Variants in RPA1 observed in about 807,000 individuals in gnomAD.
RPA1 encodes replication protein A 70 kDa DNA-binding subunit.
Under a neutral mutation model 83.0 loss-of-function variants are expected in RPA1, and 49 were observed. That is an observed-to-expected ratio of 0.59 (90% CI 0.47 to 0.75). The LOEUF (loss-of-function observed/expected upper bound fraction) is 0.75, where lower values mean the gene tolerates loss of function less well. RPA1 is among the 30% of genes least tolerant of loss of function. The probability of loss-of-function intolerance (pLI) is 0.00; values close to 1 mark genes in which losing one functional copy is unlikely to be tolerated. For missense variants in RPA1, 693 were observed against 776.1 expected, an observed-to-expected ratio of 0.89 and a Z score of 1.27; for synonymous variants, 279 against 281.8, an observed-to-expected ratio of 0.99 and a Z score of 0.10.
At chr17:1,892,720 G>T (rs1051780758) in intron 15 of RPA1, among the ~76,000 whole-genome samples, 2 of 152,156 alleles carry the variant, frequency 1.3e-5, no homozygotes, top group African/African-American at 4.8e-5. Flanking sequence ...CACATATAAG[G>T]TGCCTGCCAT....
Position 1,898,677 on chromosome 17 carries a change from C to A in RPA1, c.*1502C>A, listed in dbSNP as rs1039197242. 2 of 152,216 alleles carry A rather than the reference C, an allele frequency of 1.3e-5. No homozygotes were observed. Among genetic ancestry groups the A allele is most frequent in the African/African-American group, 4.8e-5 (2 of 41,440 alleles). The allele number at this position is 152,216 out of a possible 1,614,324, so 9.4% of individuals were successfully genotyped here. ...CAGCCAGCCCTAGACGGGATGACTT[C>A]CGTTCCTGAGGACAGACACAGAGGG... On this transcript the variant is annotated 3_prime_UTR_variant, in exon 17 of 17. Coordinates refer to ENST00000254719, the MANE Select transcript of RPA1 (RefSeq NM_002945.5).
chr17:1,840,322 T>C (rs1911996943), intron 1 of RPA1, among the ~76,000 whole-genome samples: 2 of 151,916 alleles, frequency 1.3e-5, no homozygotes, highest in Non-Finnish European at 2.9e-5. Context: ...ATTCTTTCTG[T>C]GCTGCCCAGG....
At chr17:1,859,561 C>T (rs909442135) in intron 5 of RPA1, among the ~76,000 whole-genome samples, 1 of 152,094 alleles carries the variant, frequency 6.6e-6, no homozygotes, top group African/African-American at 2.4e-5. Context: ...GATTTTATCC[C>T]TGGGAAATTC....
At chr17:1,850,703 C>G (rs1440446899) in intron 4 of RPA1, among the ~76,000 whole-genome samples, 1 of 151,994 alleles carries the variant, frequency 6.6e-6, no homozygotes, top group Non-Finnish European at 1.5e-5. Context: ...CGAGACCAGC[C>G]TGGCCAACAT....
chr17:1,896,784 A>C (rs1056351348), intron 16 of RPA1, among the ~76,000 whole-genome samples: 6 of 152,194 alleles, frequency 3.9e-5, no homozygotes, highest in Non-Finnish European at 7.3e-5. Flanking sequence ...AGGGAGAATA[A>C]ATGAAACTAG....
At position 1,879,551 on chromosome 17, in the gene RPA1, G is replaced by C; in HGVS notation, c.953-9G>C. 1 of 1,614,192 alleles carries C rather than the reference G, an allele frequency of 6.2e-7. No homozygotes were observed. Among genetic ancestry groups the C allele is most frequent in the Non-Finnish European group, 8.5e-7 (1 of 1,180,036 alleles). ...GACCACCTCCTGCTAACACGTGCAT[G>C]TGTTTTAGACATCATCGGGATCTGC... On this transcript the variant is annotated splice_polypyrimidine_tract_variant and intron_variant, in intron 10 of 16. Transcript: ENST00000254719.
chr17:1,891,701 T>A (rs1056403945), intron 14 of RPA1, 132 bp from the exon 15 acceptor site: 1 of 569,420 alleles, frequency 1.8e-6, no homozygotes, highest in East Asian at 3.0e-5. Context: ...ATGACAGGCA[T>A]GAGCCCACTG....
At chr17:1,838,455 T>A (rs1225775337) in intron 1 of RPA1, among the ~76,000 whole-genome samples, 1 of 151,622 alleles carries the variant, frequency 6.6e-6, no homozygotes, top group Non-Finnish European at 1.5e-5. Context: ...AATACAAAAT[T>A]AGCCGGGCGT....
intron 16 of RPA1, 113 bp downstream of exon 16, chr17:1,895,208 G>A: frequency 1.3e-6 from 1 of 757,966 alleles, no homozygotes; most frequent in East Asian, 2.8e-5. Context: ...CCAGACCCCG[G>A]TGCTGACTTT....
At chr17:1,866,340 G>A (rs938187689) in intron 5 of RPA1, among the ~76,000 whole-genome samples, 2 of 151,174 alleles carry the variant, frequency 1.3e-5, no homozygotes, top group African/African-American at 4.9e-5. Context: ...TTTTTGAGAC[G>A]GAGTCTCTCT....
chr17:1,868,714 G>A (rs914874441), intron 5 of RPA1, among the ~76,000 whole-genome samples: 4 of 152,008 alleles, frequency 2.6e-5, no homozygotes, highest in Non-Finnish European at 1.5e-5. Flanking sequence ...CCTCCAGCTT[G>A]GGCAACACAG....
intron 5 of RPA1, among the ~76,000 whole-genome samples, chr17:1,868,387 C>G (rs1197855531): frequency 6.6e-6 from 1 of 152,172 alleles, no homozygotes; most frequent in African/African-American, 2.4e-5. Flanking sequence ...TTTGTATCCT[C>G]CCAGCACCTA....
chr17:1,839,529 C>T (rs1032497362), intron 1 of RPA1, among the ~76,000 whole-genome samples: 2 of 150,444 alleles, frequency 1.3e-5, no homozygotes, highest in African/African-American at 4.9e-5. Flanking sequence ...TTTCACTATG[C>T]TGGCTGGGCT....
At position 1,898,190 on chromosome 17, in the gene RPA1, G is replaced by T. The variant is rs775224077; in HGVS notation, c.*1015G>T. 6.6e-6 allele frequency: 1 copy of T among 152,140 alleles called. No individual in the cohort carries two copies. The highest frequency in any genetic ancestry group is 1.5e-5 in the Non-Finnish European group (1 of 68,036). The allele number at this position is 152,140 out of a possible 1,614,324, so 9.4% of individuals were successfully genotyped here. A position where few individuals can be genotyped will look rare whatever the true frequency, so the allele number is the denominator to read the frequency against. ...TTATAAACCCGAAGATTAGTCCAAG[G>T]CATGGAGATCCTTCTTCCTAGTGTT... On this transcript the variant is annotated 3_prime_UTR_variant, in exon 17 of 17. Transcript: ENST00000254719.
chr17:1,834,942 A>G (rs1911757861), intron 1 of RPA1, among the ~76,000 whole-genome samples: 2 of 151,990 alleles, frequency 1.3e-5, no homozygotes, highest in South Asian at 4.1e-4. Flanking sequence ...GCTCACTGCA[A>G]CCTTCACCTC....
intron 5 of RPA1, among the ~76,000 whole-genome samples, chr17:1,859,600 C>G (rs1042866361): frequency 2.0e-5 from 3 of 152,072 alleles, no homozygotes; most frequent in African/African-American, 4.8e-5. Context: ...TTGATATTAG[C>G]ATAGCCACTT....
intron 6 of RPA1, among the ~76,000 whole-genome samples, chr17:1,872,855 G>A (rs1412015909): frequency 2.6e-5 from 4 of 151,272 alleles, no homozygotes; most frequent in African/African-American, 4.9e-5. Flanking sequence ...TAATTTTTTT[G>A]TAGAAATGGT....
At position 1,875,747 on chromosome 17, in the gene RPA1, C is replaced by G. The variant is rs1426220623; in HGVS notation, c.541C>G (p.Gln181Glu). ...PSLSHTSGGT[Q>E]SKVVPIASLT... ...CCTGTCACACACTTCTGGGGGAACA[C>G]AGTCCAAAGTGGTGCCCATTGCCAG... The change falls in exon 7 of 17, where the codon CAG becomes GAG. Residue 181 changes from glutamine to glutamate, a missense_variant. Coordinates refer to ENST00000254719, the MANE Select transcript of RPA1 (RefSeq NM_002945.5). The G allele has an allele frequency of 1.2e-6, 2 of 1,614,192 alleles. No homozygotes were observed. The highest frequency in any genetic ancestry group is 1.7e-6 in the Non-Finnish European group (2 of 1,180,038).
At chr17:1,845,980 A>G (rs1912241175) in intron 4 of RPA1, among the ~76,000 whole-genome samples, 1 of 152,166 alleles carries the variant, frequency 6.6e-6, no homozygotes, top group Non-Finnish European at 1.5e-5. Context: ...AAAAATGATA[A>G]CAATACTAAG....
Sources: gnomAD v4.1 joint callset for allele counts (sites outside exome capture counted in the v4.1 genomes callset) on GRCh38, gnomAD v4.1.1 for gene constraint, MANE v1.5 for transcripts, NCBI Gene and HGNC (gene_info 2026-07-23, HGNC 2026-07-21) for gene names.